Variants in ARHGAP26 observed in about 807,000 individuals in gnomAD.
ARHGAP26 encodes the protein rho GTPase-activating protein 26.
A neutral mutation model predicts 104.8 loss-of-function variants in ARHGAP26; 38 were observed. The ratio of observed to expected loss-of-function variants is 0.36; its 90% confidence interval spans 0.28 to 0.48. ARHGAP26 has a LOEUF of 0.48. Ranked by LOEUF, ARHGAP26 falls within the 20% of genes least tolerant of loss-of-function variation. ARHGAP26 has a pLI of 0.99. For synonymous variants in ARHGAP26, 341 were observed against 340.0 expected (o/e 1.00, Z -0.03); for missense variants, 704 against 947.9 (o/e 0.74, Z 3.38).
At chr5:143,046,920 A>G (rs1417743792) in intron 14 of ARHGAP26, among the ~76,000 whole-genome samples, 1 of 152,202 alleles carries the variant, frequency 6.6e-6, no homozygotes, top group East Asian at 1.9e-4. Flanking sequence ...TGACATCAAA[A>G]TGTTATATTA....
rs151329647 is a variant in ARHGAP26, at chr5:143,123,480, T to C, written c.1698+2333T>C. ...ACACTTTGTATAAACTCCCTGCCAATAGAACTTAACTTTAACCATCAAATC... is the reference window on the plus strand; with the variant it reads ...ACACTTTGTATAAACTCCCTGCCAACAGAACTTAACTTTAACCATCAAATC... On this transcript the variant is annotated intron_variant, in intron 18 of 22. Transcript: ENST00000645722. Among the ~76,000 whole-genome samples the C allele has an allele frequency of 2.4e-3, 366 of 152,294 alleles. 4 individuals carry two copies. The highest frequency in any genetic ancestry group is 8.4e-3 in the African/African-American group (350 of 41,550).
intron 11 of ARHGAP26, among the ~76,000 whole-genome samples, chr5:142,952,050 A>G (rs867904534): frequency 5.3e-5 from 8 of 152,212 alleles, no homozygotes; most frequent in African/African-American, 1.7e-4. Flanking sequence ...CTCTATCTTC[A>G]TGTGACCACT....
At chr5:142,836,460 C>G (rs1034563396) in intron 1 of ARHGAP26, among the ~76,000 whole-genome samples, 2 of 152,218 alleles carry the variant, frequency 1.3e-5, no homozygotes, top group Non-Finnish European at 2.9e-5. Context: ...ACCACCTATG[C>G]TAATTAGACC....
chr5:143,185,138 A>G (rs1259722955), intron 20 of ARHGAP26, among the ~76,000 whole-genome samples: 1 of 152,248 alleles, frequency 6.6e-6, no homozygotes, highest in Non-Finnish European at 1.5e-5. Context: ...GTTTATTAAT[A>G]TGGGGATATT....
chr5:142,799,049 A>T (rs1761539794), intron 1 of ARHGAP26, among the ~76,000 whole-genome samples: 1 of 152,186 alleles, frequency 6.6e-6, no homozygotes, highest in Non-Finnish European at 1.5e-5. Context: ...CCTCGAAGAG[A>T]TAATGTGTTC....
At chr5:143,151,650 T>C (rs1219657559) in intron 20 of ARHGAP26, among the ~76,000 whole-genome samples, 1 of 152,190 alleles carries the variant, frequency 6.6e-6, no homozygotes, top group African/African-American at 2.4e-5. Flanking sequence ...TTAATGCATA[T>C]TGCTGAGTAA....
chr5:143,095,306 C>T lies in ARHGAP26; in HGVS notation c.1539-25682C>T, dbSNP rs546347686. ...TGACAGTATTATGCAACCATTCCCT[C>T]TAAGTCAAAACATTTTCATCACTCC... is the stretch of plus-strand genomic sequence containing the variant. On this transcript the variant is annotated intron_variant, in intron 17 of 22. Coordinates refer to ENST00000645722, the MANE Select transcript of ARHGAP26 (RefSeq NM_001135608.3). 2.0e-5 allele frequency among the ~76,000 whole-genome samples: 3 copies of T among 152,226 alleles called. No individual in the cohort carries two copies. In the East Asian group the frequency reaches 5.8e-4, roughly 29 times the overall value.
intron 11 of ARHGAP26, among the ~76,000 whole-genome samples, chr5:142,966,108 C>T (rs2152685143): frequency 6.6e-6 from 1 of 152,210 alleles, no homozygotes; most frequent in African/African-American, 2.4e-5. Context: ...GAAAAGAATA[C>T]AGAAAAGAGT....
intron 18 of ARHGAP26, among the ~76,000 whole-genome samples, chr5:143,121,351 A>AC (rs1796111984): frequency 6.6e-6 from 1 of 152,182 alleles, no homozygotes; most frequent in Non-Finnish European, 1.5e-5. Context: ...TACAATGACA[A>AC]CAGCCATGGT....
chr5:142,930,094 C>T (rs368949568), intron 10 of ARHGAP26, among the ~76,000 whole-genome samples: 23 of 152,172 alleles, frequency 1.5e-4, no homozygotes, highest in African/African-American at 5.5e-4. Context: ...AAGGGAATGT[C>T]TGATTCTGAA....
At chr5:142,814,800 T>G (rs1432336426) in intron 1 of ARHGAP26, among the ~76,000 whole-genome samples, 1 of 152,194 alleles carries the variant, frequency 6.6e-6, no homozygotes, top group African/African-American at 2.4e-5. Context: ...ATGGTAATGA[T>G]GTTGGTACTT....
intron 19 of ARHGAP26, among the ~76,000 whole-genome samples, chr5:143,144,956 A>G (rs1386968422): frequency 6.6e-6 from 1 of 152,212 alleles, no homozygotes; most frequent in Non-Finnish European, 1.5e-5. Context: ...ACAAAACTGT[A>G]GTCGTTTTAT....
At chr5:143,161,238 C>T (rs1562529887) in intron 20 of ARHGAP26, among the ~76,000 whole-genome samples, 1 of 152,022 alleles carries the variant, frequency 6.6e-6, no homozygotes, top group Non-Finnish European at 1.5e-5. Context: ...TTTCAAACTC[C>T]TGACCTCAGG....
intron 11 of ARHGAP26, among the ~76,000 whole-genome samples, chr5:142,993,202 G>A (rs940329806): frequency 1.3e-3 from 175 of 131,230 alleles, no homozygotes; most frequent in African/African-American, 4.5e-3. Context: ...TCGCTCTGTC[G>A]CCCAGGCCGG....
At chr5:142,827,441 G>A (rs1767515904) in intron 1 of ARHGAP26, among the ~76,000 whole-genome samples, 1 of 152,242 alleles carries the variant, frequency 6.6e-6, no homozygotes, top group Non-Finnish European at 1.5e-5. Flanking sequence ...CTGCATAAAT[G>A]ATGCCCTTTA....
At chr5:142,838,115 G>A (rs1387277643) in intron 1 of ARHGAP26, among the ~76,000 whole-genome samples, 1 of 152,014 alleles carries the variant, frequency 6.6e-6, no homozygotes, top group Non-Finnish European at 1.5e-5. Context: ...AAATTAGCTG[G>A]GCATAGTGGG....
At chr5:143,167,771 A>G (rs1020514299) in intron 20 of ARHGAP26, among the ~76,000 whole-genome samples, 1 of 152,190 alleles carries the variant, frequency 6.6e-6, no homozygotes, top group Non-Finnish European at 1.5e-5. Context: ...CGTGTTCTCC[A>G]TCACATATAG....
At chr5:142,788,935 GTACTGCTCTA>G (rs1759217941) in intron 1 of ARHGAP26, among the ~76,000 whole-genome samples, 1 of 152,192 alleles carries the variant, frequency 6.6e-6, no homozygotes, top group South Asian at 2.1e-4. Flanking sequence ...AATGAGGTAT[GTACTGCTCTA>G]TTCATTTATA....
intron 11 of ARHGAP26, among the ~76,000 whole-genome samples, chr5:143,012,574 T>A (rs1160939540): frequency 2.3e-5 from 2 of 87,936 alleles, no homozygotes; most frequent in East Asian, 4.6e-4. Context: ...TATATATATA[T>A]ATTATGATCA....
Sources: gnomAD v4.1 joint callset for allele counts (sites outside exome capture counted in the v4.1 genomes callset) on GRCh38, gnomAD v4.1.1 for gene constraint, MANE v1.5 for transcripts, NCBI Gene and HGNC (gene_info 2026-07-23, HGNC 2026-07-21) for gene names.